Variants in SYK observed in about 807,000 individuals in gnomAD.
The protein encoded by SYK is spleen associated tyrosine kinase, also known as tyrosine-protein kinase SYK.
A neutral mutation model predicts 77.8 loss-of-function variants in SYK; 16 were observed. The ratio of observed to expected loss-of-function variants is 0.21; its 90% confidence interval spans 0.14 to 0.31. The LOEUF is 0.31. SYK is among the 10% of genes least tolerant of loss of function. SYK has a pLI of 1.00. For synonymous variants in SYK, 312 were observed against 308.7 expected, an observed-to-expected ratio of 1.01 and a Z score of -0.11; for missense variants, 529 against 814.4, an observed-to-expected ratio of 0.65 and a Z score of 4.26.
intron 3 of SYK, among the ~76,000 whole-genome samples, chr9:90,849,090 G>A (rs1429260009): frequency 1.3e-5 from 2 of 152,212 alleles, no homozygotes; most frequent in African/African-American, 2.4e-5. Flanking sequence ...AGCACTCACG[G>A]CACTGGGAGG....
intron 11 of SYK, among the ~76,000 whole-genome samples, chr9:90,883,530 A>G (rs1014434498): frequency 6.6e-6 from 1 of 152,100 alleles, no homozygotes; most frequent in African/African-American, 2.4e-5. Flanking sequence ...ACCTATTGAG[A>G]GTGGCCCTAC....
intron 4 of SYK, among the ~76,000 whole-genome samples, chr9:90,864,236 C>T (rs1827380653): frequency 6.6e-6 from 1 of 152,182 alleles, no homozygotes; most frequent in Admixed American, 6.5e-5. Context: ...GGCTCTCAGC[C>T]TGTTTCTGTG....
At chr9:90,839,920 T>C (rs1420717391) in intron 1 of SYK, among the ~76,000 whole-genome samples, 1 of 151,922 alleles carries the variant, frequency 6.6e-6, no homozygotes, top group African/African-American at 2.4e-5. Context: ...TGCAGTCCAG[T>C]GTGGTCTGTG....
intron 3 of SYK, among the ~76,000 whole-genome samples, chr9:90,859,285 C>T (rs1008570668): frequency 9.9e-5 from 15 of 152,112 alleles, no homozygotes; most frequent in African/African-American, 3.6e-4. Context: ...CACGCCCTTG[C>T]TTTTTTTGTT....
intron 11 of SYK, among the ~76,000 whole-genome samples, chr9:90,884,166 C>CGTGTGTATATATATAT: frequency 1.3e-5 from 1 of 77,618 alleles, no homozygotes; most frequent in African/African-American, 5.5e-5. Flanking sequence ...TATATACACA[C>CGTGTGTATATATATAT]ATACACATAC....
At chr9:90,841,377 AGT>A (rs919605017) in intron 1 of SYK, among the ~76,000 whole-genome samples, 51 of 65,314 alleles carry the variant, frequency 7.8e-4, no homozygotes, top group Admixed American at 3.0e-3. Context: ...GTATGTGTGC[AGT>A]GTGTGTGTAG....
intron 9 of SYK, 68 bp downstream of exon 9, chr9:90,874,917 C>A: frequency 4.5e-6 from 7 of 1,550,162 alleles, no homozygotes; most frequent in Non-Finnish European, 5.3e-6. Flanking sequence ...CTGAGAATAA[C>A]AAAATGTAAC....
chr9:90,818,350 CAA>C (rs953388184), intron 1 of SYK, among the ~76,000 whole-genome samples: 1 of 152,100 alleles, frequency 6.6e-6, no homozygotes, highest in East Asian at 1.9e-4. Flanking sequence ...TCAGAATGAC[CAA>C]AAAAGTTCCT....
chr9:90,887,188 T>G (rs1395246327), intron 11 of SYK, among the ~76,000 whole-genome samples: 1 of 152,176 alleles, frequency 6.6e-6, no homozygotes, highest in East Asian at 1.9e-4. Context: ...TATTCTCCTG[T>G]CTCAATTTCA....
Position 90,845,485 on chromosome 9 carries a change from C to G in SYK, c.469C>G (p.Leu157Val). 3.7e-6 allele frequency: 6 copies of G among 1,614,204 alleles called. No homozygotes were observed. Among genetic ancestry groups the G allele is most frequent in the Non-Finnish European group, 4.2e-6 (5 of 1,180,038 alleles). ...CAGTCAGAAGCCTCAGCTGGAGAAG[C>G]TGATCGCTACCACAGCCCATGAAAA... ...IISQKPQLEKLIATTAHEKMP... is the reference protein window; with the variant it reads ...IISQKPQLEKVIATTAHEKMP... Residue 157 changes from leucine (L) to valine (V), a missense_variant, in exon 3 of 14, where the codon CTG becomes GTG. Around this residue, in one of 2 missense-constraint regions of SYK, gnomAD observed 321 missense variants for 433.1 expected, o/e 0.74. Transcript: ENST00000375754.
intron 1 of SYK, among the ~76,000 whole-genome samples, chr9:90,820,147 C>T (rs1825455509): frequency 6.6e-6 from 1 of 152,236 alleles, no homozygotes; most frequent in African/African-American, 2.4e-5. Context: ...TTGCAGTGTA[C>T]AGCCTCCCTC....
chr9:90,889,186 C>A (rs1828695212), intron 13 of SYK, among the ~76,000 whole-genome samples: 2 of 152,230 alleles, frequency 1.3e-5, no homozygotes, highest in Admixed American at 1.3e-4. Context: ...TTTTAAAGTA[C>A]ACCTGGCATT....
intron 9 of SYK, among the ~76,000 whole-genome samples, chr9:90,875,759 C>A (rs1827902633): frequency 6.6e-6 from 1 of 151,982 alleles, no homozygotes; most frequent in Non-Finnish European, 1.5e-5. Flanking sequence ...CTTTGTATTT[C>A]TTTTGGTCTT....
chr9:90,846,463 A>T (rs1445293003), intron 3 of SYK, among the ~76,000 whole-genome samples: 1 of 152,182 alleles, frequency 6.6e-6, no homozygotes, highest in Admixed American at 6.5e-5. Context: ...CTGCCTGTCC[A>T]TCTATTCAAA....
At chr9:90,867,051 T>A (rs1827525920) in intron 6 of SYK, 80 bp from the exon 7 acceptor site, 1 of 1,540,220 alleles carries the variant, frequency 6.5e-7, no homozygotes, top group Admixed American at 1.7e-5. Context: ...AGAAGCAAAT[T>A]TAAGTAGCAT....
chr9:90,884,155 A>G (rs62554369), intron 11 of SYK, among the ~76,000 whole-genome samples: 13 of 95,222 alleles, frequency 1.4e-4, no homozygotes, highest in Admixed American at 6.2e-4. Context: ...GTGTGTGTGT[A>G]TATATACACA....
chr9:90,842,664 G>A (rs186673429), intron 1 of SYK, among the ~76,000 whole-genome samples: 1 of 151,378 alleles, frequency 6.6e-6, no homozygotes, highest in Non-Finnish European at 1.5e-5. Flanking sequence ...GATGTGCATA[G>A]TGTGCATGTA....
chr9:90,853,622 CAAAA>C, intron 3 of SYK, among the ~76,000 whole-genome samples: 1 of 151,662 alleles, frequency 6.6e-6, no homozygotes, highest in South Asian at 2.1e-4. Context: ...ATCGCAAGGA[CAAAA>C]AAACAAACAC....
At chr9:90,894,292 C>T (rs1828899455) in intron 13 of SYK, among the ~76,000 whole-genome samples, 1 of 152,192 alleles carries the variant, frequency 6.6e-6, no homozygotes, top group African/African-American at 2.4e-5. Flanking sequence ...ACCATATCCC[C>T]TCTCGGAACA....
Sources: gnomAD v4.1 joint callset for allele counts (sites outside exome capture counted in the v4.1 genomes callset) on GRCh38, gnomAD v4.1.1 for gene constraint, gnomAD v4.1.1 regional missense constraint, MANE v1.5 for transcripts, NCBI Gene and HGNC (gene_info 2026-07-23, HGNC 2026-07-21) for gene names.